Variants in CORO1C observed in about 807,000 individuals in gnomAD.
The protein encoded by CORO1C is coronin 1C, also known as coronin-1C.
Under a neutral mutation model 51.2 loss-of-function variants are expected in CORO1C, and 14 were observed. The observed-to-expected ratio is 0.27, with a 90% CI of 0.18 to 0.43. The LOEUF is 0.43. Ranked by LOEUF, CORO1C falls within the 20% of genes least tolerant of loss-of-function variation. CORO1C has a pLI of 1.00. For synonymous variants in CORO1C, 181 were observed against 210.5 expected (o/e 0.86, Z 1.21); for missense variants, 417 against 607.8 (o/e 0.69, Z 3.30).
chr12:108,666,138 G>C, intron 3 of CORO1C, among the ~76,000 whole-genome samples: 1 of 152,204 alleles, frequency 6.6e-6, no homozygotes, highest in Non-Finnish European at 1.5e-5. Flanking sequence ...AAGTAGAGCA[G>C]AATATGAGGA....
Position 108,658,663 on chromosome 12 carries a change from C to T in CORO1C, c.630+75G>A. ...AGGGTCCCACTGACCAGTACCGCTGCCTGCCTTAAAAAGCAGAAAGCTCAC... is the reference window on the plus strand; with the variant it reads ...AGGGTCCCACTGACCAGTACCGCTGTCTGCCTTAAAAAGCAGAAAGCTCAC... On this transcript the variant is annotated intron_variant, in intron 5 of 10. Transcript: ENST00000261401. The surrounding 1 kb of genome is among the most constrained non-coding windows in gnomAD (Gnocchi z 4.9). 2 of 1,489,548 alleles carry T rather than the reference C, an allele frequency of 1.3e-6. No homozygotes were observed. Among genetic ancestry groups the T allele is most frequent in the Non-Finnish European group, 1.9e-6 (2 of 1,079,030 alleles). The allele number at this position is 1,489,548 out of a possible 1,614,324, so 92.3% of individuals were successfully genotyped here. A position where few individuals can be genotyped will look rare whatever the true frequency, so the allele number is the denominator to read the frequency against.
intron 1 of CORO1C, among the ~76,000 whole-genome samples, chr12:108,713,414 AAT>A (rs1410271418): frequency 6.6e-6 from 1 of 152,256 alleles, no homozygotes; most frequent in Non-Finnish European, 1.5e-5. Flanking sequence ...TAGCCTTCCA[AAT>A]AGTTTCATCC....
intron 2 of CORO1C, among the ~76,000 whole-genome samples, chr12:108,683,054 G>A (rs2034177229): frequency 1.3e-5 from 2 of 152,168 alleles, no homozygotes; most frequent in African/African-American, 4.8e-5. Context: ...AGAAAAGACT[G>A]AAAATTAATG....
intron 1 of CORO1C, among the ~76,000 whole-genome samples, chr12:108,723,252 A>G (rs952893246): frequency 6.6e-6 from 1 of 152,230 alleles, no homozygotes; most frequent in Non-Finnish European, 1.5e-5. Flanking sequence ...TCCCCACTCC[A>G]GCCACATTTG....
chr12:108,714,176 G>A (rs1592944174), intron 1 of CORO1C, among the ~76,000 whole-genome samples: 1 of 151,750 alleles, frequency 6.6e-6, no homozygotes, highest in Non-Finnish European at 1.5e-5. Flanking sequence ...GGATCACGAA[G>A]TCAAGGGATT....
chr12:108,708,737 C>G (rs553644915), intron 1 of CORO1C, among the ~76,000 whole-genome samples: 3 of 152,106 alleles, frequency 2.0e-5, no homozygotes. Context: ...GCTGGGATTA[C>G]GGGCGTGAGC....
Position 108,658,619 on chromosome 12 carries a change from G to A in CORO1C, c.630+119C>T, listed in dbSNP as rs148823100. 7.6e-5 allele frequency: 66 copies of A among 862,874 alleles called. No individual in the cohort carries two copies. In the African/African-American group the frequency reaches 1.0e-3, roughly 13 times the overall value. The allele number at this position is 862,874 out of a possible 1,614,324, so 53.5% of individuals were successfully genotyped here. A position where few individuals can be genotyped will look rare whatever the true frequency, so the allele number is the denominator to read the frequency against. On this transcript the variant is annotated intron_variant, in intron 5 of 10. Coordinates refer to ENST00000261401, the MANE Select transcript of CORO1C (RefSeq NM_014325.4). The surrounding 1 kb of genome is among the most constrained non-coding windows in gnomAD (Gnocchi z 4.9). ...CTTTATAAGCCTTCTCTTATTCACA[G>A]TTGGTGTCTACACACAACAGGGTCC...
intron 6 of CORO1C, among the ~76,000 whole-genome samples, chr12:108,656,371 CGGG>C (rs2033008554): frequency 6.7e-6 from 1 of 149,666 alleles, no homozygotes; most frequent in Non-Finnish European, 1.5e-5. Flanking sequence ...CCGCCCCGTC[CGGG>C]AGGGAGGTGG....
chr12:108,676,648 T>C (rs2033918715), intron 3 of CORO1C, among the ~76,000 whole-genome samples: 1 of 151,956 alleles, frequency 6.6e-6, no homozygotes, highest in Admixed American at 6.6e-5. Flanking sequence ...GGCGCAGGGC[T>C]GTAATCCCAG....
intron 1 of CORO1C, chr12:108,730,993 G>A (rs1436177086): frequency 6.5e-6 from 1 of 152,746 alleles, no homozygotes; most frequent in East Asian, 1.9e-4. Context: ...CCCAGGCCTG[G>A]AGCCCCCGGG....
chr12:108,726,357 T>G (rs991577728), intron 1 of CORO1C, among the ~76,000 whole-genome samples: 91 of 150,926 alleles, frequency 6.0e-4, no homozygotes, highest in African/African-American at 1.9e-3. Context: ...AGGCAGAGCT[T>G]GCAGTGAGCT....
At chr12:108,656,056 T>C (rs2032964498) in intron 6 of CORO1C, among the ~76,000 whole-genome samples, 1 of 140,568 alleles carries the variant, frequency 7.1e-6, no homozygotes, top group African/African-American at 2.7e-5. Flanking sequence ...GTTAGGAGCG[T>C]CTCTGCCTGG....
intron 1 of CORO1C, among the ~76,000 whole-genome samples, chr12:108,705,335 C>A (rs2034994932): frequency 6.6e-6 from 1 of 151,532 alleles, no homozygotes; most frequent in Admixed American, 6.6e-5. Flanking sequence ...AAAACTTAGC[C>A]AGGAGTCCCA....
At position 108,645,441 on chromosome 12, in the gene CORO1C, T is replaced by A. The variant is rs2032313458; in HGVS notation, c.*1962A>T. The A allele has an allele frequency of 6.6e-6, 1 of 152,198 alleles. No homozygotes were observed. Among genetic ancestry groups the A allele is most frequent in the African/African-American group, 2.4e-5 (1 of 41,438 alleles). 9.4% of individuals were successfully genotyped at this position (152,198 alleles called of 1,614,324 possible). A position where few individuals can be genotyped will look rare whatever the true frequency, so the allele number is the denominator to read the frequency against. On this transcript the variant is annotated 3_prime_UTR_variant, in exon 11 of 11. Coordinates refer to ENST00000261401, the MANE Select transcript of CORO1C (RefSeq NM_014325.4). The stretch of plus-strand genomic sequence containing the variant: ...ACAACTTTACTTCATTAATTCGATA[T>A]CAGAACCTTAAAACACTACTGAATC...
At chr12:108,697,528 C>G (rs528233156) in intron 2 of CORO1C, among the ~76,000 whole-genome samples, 1 of 152,238 alleles carries the variant, frequency 6.6e-6, no homozygotes, top group East Asian at 1.9e-4. Flanking sequence ...TGCCTTTAAA[C>G]CAAAGCAACA....
intron 4 of CORO1C, among the ~76,000 whole-genome samples, chr12:108,660,041 G>A (rs1256276196): frequency 6.6e-6 from 1 of 152,228 alleles, no homozygotes; most frequent in African/African-American, 2.4e-5. Context: ...GTTCAAGGAT[G>A]AAGCAAAATA....
intron 1 of CORO1C, among the ~76,000 whole-genome samples, chr12:108,709,648 C>T (rs1044312195): frequency 2.6e-5 from 4 of 151,734 alleles, no homozygotes; most frequent in African/African-American, 9.7e-5. Context: ...CCAAACTGAT[C>T]AAATCATAAA....
intron 2 of CORO1C, among the ~76,000 whole-genome samples, chr12:108,682,097 G>C (rs1034746099): frequency 6.6e-6 from 1 of 151,392 alleles, no homozygotes; most frequent in African/African-American, 2.4e-5. Flanking sequence ...TTAAAAACTG[G>C]CTCAATCCAA....
chr12:108,648,462 A>T, intron 10 of CORO1C, 143 bp downstream of exon 10: 1 of 1,108,250 alleles, frequency 9.0e-7, no homozygotes, highest in South Asian at 1.5e-5. Context: ...CACGTGACCG[A>T]GGACCTTCTC....
Sources: gnomAD v4.1 joint callset for allele counts (sites outside exome capture counted in the v4.1 genomes callset) on GRCh38, gnomAD v4.1.1 for gene constraint, Gnocchi (gnomAD v3.1) non-coding constraint, MANE v1.5 for transcripts, NCBI Gene and HGNC (gene_info 2026-07-23, HGNC 2026-07-21) for gene names.